The following MSR1 variants were observed in gnomAD, a reference collection of about 807,000 sequenced individuals.
MSR1 encodes the protein macrophage scavenger receptor types I and II.
Under a neutral mutation model 47.2 loss-of-function variants are expected in MSR1, and 53 were observed. That is an observed-to-expected ratio of 1.12 (90% confidence interval 0.90 to 1.41). MSR1 has a LOEUF of 1.41. Among genes scored for constraint, MSR1 ranks in the 40% most tolerant of loss-of-function variants. The probability of loss-of-function intolerance (pLI) is 0.00; values close to 1 mark genes in which losing one functional copy is unlikely to be tolerated. For synonymous variants in MSR1, 239 were observed against 185.6 expected, an observed-to-expected ratio of 1.29 and a Z score of -2.34; for missense variants, 786 against 546.9, an observed-to-expected ratio of 1.44 and a Z score of -4.36.
In MSR1 at chr8:16,156,433, C is replaced by G. The variant is rs571631099; in HGVS notation, c.818-1289G>C. 2.6e-5 allele frequency among the ~76,000 whole-genome samples: 4 copies of G among 151,978 alleles called. No individual in the cohort carries two copies. In the East Asian group the frequency reaches 7.7e-4, roughly 29 times the overall value. On this transcript the variant is annotated intron_variant, in intron 5 of 9. Coordinates refer to ENST00000262101, the MANE Select transcript of MSR1 (RefSeq NM_138715.3). The stretch of plus-strand genomic sequence containing the variant: ...TTGTTGCTTATTTTGACATCCTTGA[C>G]TCTACTTCTGTCTATTCCTCTGGTA...
At chr8:16,127,057 G>T (rs1800145342) in intron 8 of MSR1, among the ~76,000 whole-genome samples, 1 of 152,080 alleles carries the variant, frequency 6.6e-6, no homozygotes, top group Non-Finnish European at 1.5e-5. Context: ...CTGGCCTAAT[G>T]ATGGGGAATA....
At chr8:16,113,409 A>T (rs1444871738) in intron 9 of MSR1, among the ~76,000 whole-genome samples, 1 of 152,184 alleles carries the variant, frequency 6.6e-6, no homozygotes, top group Non-Finnish European at 1.5e-5. Context: ...CAGCTGCTGA[A>T]TAGATAAATG....
In MSR1 at chr8:16,128,298, T is replaced by C. The variant is rs554292989; in HGVS notation, c.1034-7692A>G. 3.9e-5 allele frequency among the ~76,000 whole-genome samples: 6 copies of C among 152,238 alleles called. No individual in the cohort carries two copies. The South Asian group carries it at 1.2e-3, about 32-fold the overall frequency. Reference sequence around the variant, plus strand: ...TATGCTGAAGTCCCCAATGTGACTATATTTAAAGATAGAGGCCATATGGAG... The same window carrying C: ...TATGCTGAAGTCCCCAATGTGACTACATTTAAAGATAGAGGCCATATGGAG... On this transcript the variant is annotated intron_variant, in intron 8 of 9. Coordinates refer to ENST00000262101, the MANE Select transcript of MSR1 (RefSeq NM_138715.3).
chr8:16,144,981 T>C (rs1800659819), intron 7 of MSR1, among the ~76,000 whole-genome samples: 1 of 151,968 alleles, frequency 6.6e-6, no homozygotes, highest in Non-Finnish European at 1.5e-5. Context: ...AGAGAAGATT[T>C]TGGATCCTAA....
At chr8:16,152,871 T>C (rs763036273) in intron 6 of MSR1, among the ~76,000 whole-genome samples, 3 of 152,036 alleles carry the variant, frequency 2.0e-5, no homozygotes, top group African/African-American at 4.8e-5. Context: ...TAGGGTATTG[T>C]AGAACACCAG....
intron 8 of MSR1, among the ~76,000 whole-genome samples, chr8:16,141,724 T>TAACTGAA (rs1800561847): frequency 6.6e-6 from 1 of 152,130 alleles, no homozygotes; most frequent in African/African-American, 2.4e-5. Flanking sequence ...GAAAATACTG[T>TAACTGAA]AACTGAAAAC....
intron 8 of MSR1, among the ~76,000 whole-genome samples, chr8:16,125,663 G>A (rs567053773): frequency 2.6e-5 from 4 of 152,154 alleles, no homozygotes; most frequent in African/African-American, 7.2e-5. Context: ...AAACATGAAC[G>A]GAAGGAAACA....
chr8:16,140,303 G>C lies in MSR1; in HGVS notation c.1033+3255C>G, dbSNP rs1450766457. On this transcript the variant is annotated intron_variant, in intron 8 of 9. Transcript: ENST00000262101. ...AAAACAAGAAAAAGAAAAAAAAAAA[G>C]CCCTTGACTCAGTCTTTACTTTGAT... The C allele has an allele frequency of 5.1e-6, 5 of 981,960 alleles. No individual in the cohort carries two copies. In the African/African-American group the frequency reaches 8.8e-5, roughly 17 times the overall value. The allele number at this position is 981,960 out of a possible 1,614,324, so 60.8% of individuals were successfully genotyped here.
chr8:16,172,767 TAAGAA>T (rs1585185820), intron 3 of MSR1, among the ~76,000 whole-genome samples: 1 of 152,104 alleles, frequency 6.6e-6, no homozygotes. Flanking sequence ...GCAGCTTCTT[TAAGAA>T]AAGATTGTAA....
At chr8:16,162,145 A>G (rs1394258598) in intron 5 of MSR1, among the ~76,000 whole-genome samples, 2 of 152,038 alleles carry the variant, frequency 1.3e-5, no homozygotes, top group Non-Finnish European at 2.9e-5. Context: ...CAGATAAGTA[A>G]AACTGCAGAT....
rs761676407 is a variant in MSR1, at chr8:16,155,076, G to C, written c.886C>G (p.Pro296Ala). Residue 296 changes from proline to alanine, a missense_variant, in exon 6 of 10, where the codon CCA becomes GCA. Coordinates refer to ENST00000262101, the MANE Select transcript of MSR1 (RefSeq NM_138715.3). Reference sequence around the variant, plus strand: ...AAAATTACCATACCTATTGGACCTGGAAATCCTCGTGGACCACTTTCTCCA... The same window carrying C: ...AAAATTACCATACCTATTGGACCTGCAAATCCTCGTGGACCACTTTCTCCA... ...PTGESGPRGF[P>A]GPIGPPGLKG... 3 of 1,611,682 alleles carry C rather than the reference G, an allele frequency of 1.9e-6. No individual in the cohort carries two copies. Among genetic ancestry groups the C allele is most frequent in the South Asian group, 1.1e-5 (1 of 91,032 alleles).
Position 16,168,515 on chromosome 8 carries a change from C to A in MSR1, c.573G>T (p.Gln191His), listed in dbSNP as rs1469642740. Residue 191 changes from glutamine to histidine, a missense_variant, in exon 4 of 10, where the codon CAG becomes CAT. By Grantham distance (24) the Gln-to-His change is conservative (BLOSUM62 0). Coordinates refer to ENST00000262101, the MANE Select transcript of MSR1 (RefSeq NM_138715.3). ...ISLNTTLLDL[Q>H]LNIENLNGKI... ...TGCCATTCAGATTTTCTATGTTGAG[C>A]TGCAAATCAAGCAATGTGGTATTCA... 3 of 1,614,104 alleles carry A rather than the reference C, an allele frequency of 1.9e-6. No individual in the cohort carries two copies. The highest frequency in any genetic ancestry group is 8.5e-7 in the Non-Finnish European group (1 of 1,180,010).
At chr8:16,186,693 G>A (rs529875131) in intron 1 of MSR1, among the ~76,000 whole-genome samples, 11 of 150,526 alleles carry the variant, frequency 7.3e-5, no homozygotes, top group South Asian at 4.2e-4. Context: ...GAGTGCAGCC[G>A]TGTGATCACA....
At chr8:16,140,337 C>T in intron 8 of MSR1, 1 of 984,402 alleles carries the variant, frequency 1.0e-6, no homozygotes, top group South Asian at 4.7e-5. Flanking sequence ...ATCAAAAATG[C>T]TTTGGAAAGA....
chr8:16,137,741 C>T (rs188796046), intron 8 of MSR1, among the ~76,000 whole-genome samples: 1 of 152,128 alleles, frequency 6.6e-6, no homozygotes, highest in Admixed American at 6.6e-5. Context: ...ACCTGTAATC[C>T]CAAGATTTTG....
chr8:16,150,140 G>GTGTGAATATA (rs1402495981), intron 7 of MSR1, 91 bp downstream of exon 7: 1 of 172,634 alleles, frequency 5.8e-6, no homozygotes, highest in African/African-American at 3.1e-5. Context: ...GTGTGTGTGT[G>GTGTGAATATA]TATATATATA....
intron 6 of MSR1, among the ~76,000 whole-genome samples, chr8:16,152,887 G>A (rs1225920717): frequency 6.6e-6 from 1 of 152,014 alleles, no homozygotes; most frequent in African/African-American, 2.4e-5. Context: ...ACCAGGCCTG[G>A]AGAAAGTGCT....
chr8:16,166,110 G>T (rs182507361), intron 4 of MSR1, among the ~76,000 whole-genome samples: 2 of 150,612 alleles, frequency 1.3e-5, no homozygotes, highest in African/African-American at 2.4e-5. Flanking sequence ...TCCTAGAAAC[G>T]AGGAATCATC....
intron 9 of MSR1, among the ~76,000 whole-genome samples, chr8:16,118,946 C>G (rs1479107130): frequency 6.6e-6 from 1 of 152,134 alleles, no homozygotes; most frequent in Non-Finnish European, 1.5e-5. Flanking sequence ...CAAACCCACA[C>G]TTTTCAACCT....
Sources: allele counts gnomAD v4.1 joint callset (sites outside exome capture counted in the v4.1 genomes callset), GRCh38; gene constraint gnomAD v4.1.1; transcripts MANE v1.5; gene names NCBI Gene and HGNC (gene_info 2026-07-23, HGNC 2026-07-21).